HNF4G: variants seen among roughly 807,000 people sequenced by gnomAD.
HNF4G encodes hepatocyte nuclear factor 4 gamma, also known as hepatocyte nuclear factor 4-gamma.
In HNF4G, 21 loss-of-function variants were observed where a neutral mutation model predicts 50.9. That is an observed-to-expected ratio of 0.41 (90% CI 0.29 to 0.59). The LOEUF (loss-of-function observed/expected upper bound fraction) is 0.59, where lower values mean the gene tolerates loss of function less well. Among genes scored for constraint, HNF4G ranks in the 20% least tolerant of loss-of-function variants. HNF4G has a pLI of 0.26. For synonymous variants in HNF4G, 198 were observed against 185.6 expected (o/e 1.07, Z -0.54); for missense variants, 527 against 559.4 (o/e 0.94, Z 0.58).
intron 9 of HNF4G, among the ~76,000 whole-genome samples, chr8:75,562,081 T>C (rs1306154810): frequency 1.3e-5 from 2 of 152,164 alleles, no homozygotes; most frequent in African/African-American, 2.4e-5. Context: ...GTAACTATTA[T>C]GCATACACTT....
At chr8:75,486,757 G>A (rs1324311328) in intron 1 of HNF4G, among the ~76,000 whole-genome samples, 1 of 152,068 alleles carries the variant, frequency 6.6e-6, no homozygotes, top group African/African-American at 2.4e-5. Flanking sequence ...TAATCCCAGC[G>A]CTTCGGGAGG....
At chr8:75,562,680 C>T (rs1807348543) in intron 9 of HNF4G, among the ~76,000 whole-genome samples, 1 of 152,174 alleles carries the variant, frequency 6.6e-6, no homozygotes, top group African/African-American at 2.4e-5. Flanking sequence ...AACATATTTG[C>T]TGACCCTAGT....
intron 2 of HNF4G, among the ~76,000 whole-genome samples, chr8:75,504,822 G>A (rs911271523): frequency 2.6e-5 from 4 of 151,938 alleles, no homozygotes; most frequent in Non-Finnish European, 5.9e-5. Flanking sequence ...TTACTTATTT[G>A]TAAGTAACCC....
intron 2 of HNF4G, among the ~76,000 whole-genome samples, chr8:75,503,577 A>G (rs961643015): frequency 1.3e-5 from 2 of 152,184 alleles, no homozygotes; most frequent in East Asian, 3.9e-4. Flanking sequence ...TGTTCTGAAT[A>G]ATTTGTTACT....
At chr8:75,453,511 C>T (rs59606147) in intron 1 of HNF4G, among the ~76,000 whole-genome samples, 16 of 142,326 alleles carry the variant, frequency 1.1e-4, no homozygotes, top group African/African-American at 3.3e-4. Context: ...CCTGCCCCCC[C>T]GCCCCGTAGC....
chr8:75,543,200 A>C (rs550850863), intron 1 of HNF4G, among the ~76,000 whole-genome samples: 1 of 152,292 alleles, frequency 6.6e-6, no homozygotes, highest in African/African-American at 2.4e-5. Context: ...GGGGGAACTC[A>C]GGCTCAAAAA....
At chr8:75,545,926 C>G (rs1357806475) in intron 2 of HNF4G, among the ~76,000 whole-genome samples, 2 of 152,002 alleles carry the variant, frequency 1.3e-5, no homozygotes, top group African/African-American at 4.8e-5. Flanking sequence ...GTCCTCTCTC[C>G]TGAGTCTCAT....
chr8:75,508,101 C>T (rs2977908), intron 2 of HNF4G, among the ~76,000 whole-genome samples: 121,731 of 151,978 alleles, frequency 0.8, 49,574 homozygotes, highest in African/African-American at 0.95. Flanking sequence ...ACAATGATGT[C>T]GTTGGAACAG....
intron 1 of HNF4G, among the ~76,000 whole-genome samples, chr8:75,478,968 C>T (rs1474479995): frequency 6.6e-6 from 1 of 152,146 alleles, no homozygotes; most frequent in East Asian, 1.9e-4. Flanking sequence ...GTGATCTGCC[C>T]GCCTCGGCCT....
At chr8:75,515,927 A>G (rs192061209) in intron 2 of HNF4G, among the ~76,000 whole-genome samples, 2 of 152,126 alleles carry the variant, frequency 1.3e-5, no homozygotes, top group East Asian at 3.9e-4. Context: ...CCCCATGCCC[A>G]GCTAATTTTG....
At chr8:75,422,446 C>T (rs73341176) in intron 1 of HNF4G, among the ~76,000 whole-genome samples, 338 of 152,212 alleles carry the variant, frequency 2.2e-3, no homozygotes, top group African/African-American at 7.5e-3. Flanking sequence ...AATCAGGCCT[C>T]AGTGAATACT....
chr8:75,515,758 G>A (rs978774271), intron 2 of HNF4G, among the ~76,000 whole-genome samples: 1 of 151,850 alleles, frequency 6.6e-6, no homozygotes, highest in Admixed American at 6.6e-5. Context: ...TGACATTCAT[G>A]GGGGCCACCA....
chr8:75,418,508 T>C (rs1321290742), intron 1 of HNF4G, among the ~76,000 whole-genome samples: 1 of 152,166 alleles, frequency 6.6e-6, no homozygotes, highest in Non-Finnish European at 1.5e-5. Context: ...AAACCATTTA[T>C]GTTTACTTGT....
At chr8:75,472,825 G>T (rs1392367733) in intron 1 of HNF4G, among the ~76,000 whole-genome samples, 2 of 152,158 alleles carry the variant, frequency 1.3e-5, no homozygotes, top group African/African-American at 4.8e-5. Context: ...CCAGTGCGTA[G>T]AGAAGTGCCT....
chr8:75,477,614 C>T (rs370133695), intron 1 of HNF4G, among the ~76,000 whole-genome samples: 1 of 151,968 alleles, frequency 6.6e-6, no homozygotes, highest in East Asian at 1.9e-4. Context: ...TTCTGCTAGA[C>T]CTTGCATTTC....
chr8:75,547,423 C>T (rs543609068), intron 2 of HNF4G, among the ~76,000 whole-genome samples, 164 bp from the exon 3 acceptor site: 24 of 152,366 alleles, frequency 1.6e-4, no homozygotes, highest in South Asian at 6.2e-4. Flanking sequence ...CGCGTTTTCA[C>T]GCACATGCTG....
chr8:75,428,884 G>A (rs1252536358), intron 1 of HNF4G, among the ~76,000 whole-genome samples: 3 of 152,104 alleles, frequency 2.0e-5, no homozygotes, highest in African/African-American at 4.8e-5. Context: ...TATTATTCTG[G>A]TGGCAGGTGA....
chr8:75,502,558 C>T (rs894695998), intron 2 of HNF4G, among the ~76,000 whole-genome samples: 2 of 152,068 alleles, frequency 1.3e-5, no homozygotes, highest in African/African-American at 4.8e-5. Flanking sequence ...TACTAAAACG[C>T]CTCATCCTGT....
chr8:75,554,974 A>C (rs1807070590), intron 5 of HNF4G, among the ~76,000 whole-genome samples: 1 of 152,188 alleles, frequency 6.6e-6, no homozygotes, highest in African/African-American at 2.4e-5. Context: ...TGAGTCAGGC[A>C]GCAACAATGT....
Sources: allele counts gnomAD v4.1 joint callset (sites outside exome capture counted in the v4.1 genomes callset), GRCh38; gene constraint gnomAD v4.1.1; transcripts MANE v1.5; gene names NCBI Gene and HGNC (gene_info 2026-07-23, HGNC 2026-07-21).